Variants in NFASC observed in about 807,000 individuals in gnomAD.
NFASC encodes the protein neurofascin.
NFASC carries 43 observed loss-of-function variants against 147.5 expected under a neutral mutation model. The observed-to-expected ratio is 0.29, with a 90% CI of 0.23 to 0.38. NFASC has a LOEUF of 0.38. NFASC is among the 10% of genes least tolerant of loss of function. The probability of loss-of-function intolerance (pLI) is 1.00; values close to 1 mark genes in which losing one functional copy is unlikely to be tolerated. For missense variants in NFASC, 1,320 were observed against 1,689.0 expected (o/e 0.78, Z 3.83); for synonymous variants, 622 against 665.5 (o/e 0.93, Z 1.01).
Position 205,009,133 on chromosome 1 carries a change from A to C in NFASC, c.3290-424A>C, listed in dbSNP as rs114734593. The C allele has an allele frequency of 1.7e-3, 478 of 289,144 alleles. 1 individual carries two copies. The highest frequency in any genetic ancestry group is 2.7e-3 in the Non-Finnish European group (402 of 147,342). 17.9% of individuals were successfully genotyped at this position (289,144 alleles called of 1,614,324 possible). ...ACGTGGCCACGGCCTGCACTCCCTG[A>C]TGGGTAGCTTGCCGGCTCCCATTTC... is the stretch of plus-strand genomic sequence containing the variant. On this transcript the variant is annotated intron_variant, in intron 27 of 29. Coordinates refer to ENST00000339876, the MANE Select transcript of NFASC (RefSeq NM_001005388.3).
intron 1 of NFASC, among the ~76,000 whole-genome samples, chr1:204,898,407 C>T (rs983149464): frequency 1.3e-5 from 2 of 152,170 alleles, no homozygotes; most frequent in Admixed American, 1.3e-4. Flanking sequence ...CCTCGAGTTT[C>T]TTAGGAAATA....
At position 204,954,849 on chromosome 1, in the gene NFASC, G is replaced by A. The variant is rs1232973455; in HGVS notation, c.433G>A (p.Glu145Lys). The change falls in exon 7 of 30, where the codon GAA (glutamate) becomes AAA (lysine). Residue 145 changes from glutamate (E) to lysine (K), a missense_variant. By Grantham distance (56) the Glu-to-Lys change is moderately conservative. Transcript: ENST00000339876. The surrounding 1 kb of genome is among the most constrained non-coding windows in gnomAD (Gnocchi z 5.7). ...TCCAGAATCTCCTCTGTGGCCCAAGGAAAACCTAGACCCTGTCGTGGTCCA... is the reference window on the plus strand; with the variant it reads ...TCCAGAATCTCCTCTGTGGCCCAAGAAAAACCTAGACCCTGTCGTGGTCCA... Reference protein sequence around the residue: ...QVSKSPLWPKENLDPVVVQEG... With the variant: ...QVSKSPLWPKKNLDPVVVQEG... 1 of 1,614,138 alleles carries A rather than the reference G, an allele frequency of 6.2e-7. No homozygotes were observed. The highest frequency in any genetic ancestry group is 8.5e-7 in the Non-Finnish European group (1 of 1,180,022).
intron 1 of NFASC, among the ~76,000 whole-genome samples, chr1:204,894,700 G>A (rs1321431905): frequency 1.3e-5 from 2 of 152,042 alleles, no homozygotes; most frequent in Admixed American, 6.6e-5. Flanking sequence ...GTCTCCCTCA[G>A]TCTCACCTTC....
At chr1:204,941,639 T>C (rs1050175301) in intron 2 of NFASC, among the ~76,000 whole-genome samples, 29 of 152,210 alleles carry the variant, frequency 1.9e-4, no homozygotes, top group African/African-American at 6.5e-4. Context: ...GTCTGGTCTT[T>C]GGAGATGTAT....
intron 1 of NFASC, among the ~76,000 whole-genome samples, chr1:204,850,691 C>T (rs2075603127): frequency 6.6e-6 from 1 of 152,234 alleles, no homozygotes; most frequent in African/African-American, 2.4e-5. Context: ...TTCCTGTTCA[C>T]CTTCCGCCAT....
chr1:204,937,068 A>T (rs570744753), intron 2 of NFASC, among the ~76,000 whole-genome samples: 10 of 152,276 alleles, frequency 6.6e-5, no homozygotes, highest in Admixed American at 1.3e-4. Context: ...TCTTGGTCAG[A>T]TGGCAACTTC....
intron 24 of NFASC, 32 bp from the exon 25 acceptor site, chr1:204,997,138 C>T: frequency 6.3e-7 from 1 of 1,588,180 alleles, no homozygotes; most frequent in Non-Finnish European, 8.6e-7. Flanking sequence ...GCCAAACCAA[C>T]CAGACTCGGC....
At chr1:204,963,646 T>C (rs1028159978) in intron 8 of NFASC, among the ~76,000 whole-genome samples, 4 of 152,106 alleles carry the variant, frequency 2.6e-5, no homozygotes, top group African/African-American at 9.7e-5. Context: ...CTTACAAGAG[T>C]TTACCTGGAG....
chr1:204,924,004 G>T (rs2149478581), intron 2 of NFASC, among the ~76,000 whole-genome samples: 1 of 152,362 alleles, frequency 6.6e-6, no homozygotes, highest in Non-Finnish European at 1.5e-5. Flanking sequence ...AGCAAAGGGA[G>T]GCCCTTCTAG....
chr1:204,833,094 G>A (rs1558470460), intron 1 of NFASC, among the ~76,000 whole-genome samples: 1 of 152,200 alleles, frequency 6.6e-6, no homozygotes, highest in Non-Finnish European at 1.5e-5. Flanking sequence ...CCAGGACATT[G>A]GTTAGATTGT....
chr1:204,896,041 T>C (rs2149107912), intron 1 of NFASC, among the ~76,000 whole-genome samples: 1 of 152,354 alleles, frequency 6.6e-6, no homozygotes, highest in Non-Finnish European at 1.5e-5. Context: ...TAGGAGCTTC[T>C]GAGCTGCGAA....
intron 1 of NFASC, among the ~76,000 whole-genome samples, chr1:204,886,300 T>C (rs2081299412): frequency 6.6e-6 from 1 of 152,238 alleles, no homozygotes. Flanking sequence ...CTTTTAAAAA[T>C]TATGATTTTT....
Position 204,954,795 on chromosome 1 carries a change from C to T in NFASC, c.413-34C>T. 3 of 1,611,526 alleles carry T rather than the reference C, an allele frequency of 1.9e-6. No individual in the cohort carries two copies. The African/African-American group carries it at 4.0e-5, about 21-fold the overall frequency. On this transcript the variant is annotated intron_variant, in intron 6 of 29. Coordinates refer to ENST00000339876, the MANE Select transcript of NFASC (RefSeq NM_001005388.3). This position sits in a 1 kb window ranked among gnomAD's most constrained non-coding sequence, Gnocchi z 5.7. ...TCCTTGCCCCGGGCCCAGCCATCAC[C>T]CTCACTTTATCCTCTTTGTCCACTT...
chr1:204,952,764 C>G (rs1215444513), intron 5 of NFASC, among the ~76,000 whole-genome samples: 1 of 152,190 alleles, frequency 6.6e-6, no homozygotes, highest in Non-Finnish European at 1.5e-5. Flanking sequence ...GCCCCCATCC[C>G]CATCCTCAAA....
chr1:204,942,625 TA>T (rs1169318381), intron 2 of NFASC, among the ~76,000 whole-genome samples: 5 of 150,234 alleles, frequency 3.3e-5, no homozygotes, highest in Non-Finnish European at 5.9e-5. Flanking sequence ...ATGTGTCAAT[TA>T]AAAATAATAA....
At chr1:204,871,834 C>T (rs549370598) in intron 1 of NFASC, among the ~76,000 whole-genome samples, 3 of 152,314 alleles carry the variant, frequency 2.0e-5, no homozygotes, top group Admixed American at 6.5e-5. Flanking sequence ...TCACTTTGAC[C>T]TTTGGAGGTG....
chr1:204,997,719 G>C (rs2095877448), intron 25 of NFASC: 1 of 479,594 alleles, frequency 2.1e-6, no homozygotes, highest in Non-Finnish European at 3.8e-6. Context: ...AGGGCCCCCA[G>C]GTTCCAGATG....
chr1:204,926,404 ATATTTTTTTTTTTTTT>A (rs2091569839), intron 2 of NFASC, among the ~76,000 whole-genome samples: 1 of 9,712 alleles, frequency 1.0e-4, no homozygotes, highest in Non-Finnish European at 4.0e-4. Context: ...ATATATATAT[ATATTTTTTTTTTTTTT>A]TTTTTTTTTT....
At chr1:204,927,267 A>G (rs1235689256) in intron 2 of NFASC, among the ~76,000 whole-genome samples, 1 of 152,012 alleles carries the variant, frequency 6.6e-6, no homozygotes, top group Non-Finnish European at 1.5e-5. Context: ...CTAGGCAACC[A>G]CTGATCTATT....
Sources: allele counts gnomAD v4.1 joint callset (sites outside exome capture counted in the v4.1 genomes callset), GRCh38; gene constraint gnomAD v4.1.1; non-coding constraint Gnocchi (gnomAD v3.1); transcripts MANE v1.5; gene names NCBI Gene and HGNC (gene_info 2026-07-23, HGNC 2026-07-21).